VPS13B: variants seen among roughly 807,000 people sequenced by gnomAD.
VPS13B encodes the protein intermembrane lipid transfer protein VPS13B.
In VPS13B, 285 loss-of-function variants were observed where a neutral mutation model predicts 426.4. The ratio of observed to expected loss-of-function variants is 0.67; its 90% CI spans 0.61 to 0.74. The LOEUF is 0.74. Among genes scored for constraint, VPS13B ranks in the 30% least tolerant of loss-of-function variants. The pLI, the probability that VPS13B is intolerant of heterozygous loss-of-function variation, is 0.00. For synonymous variants in VPS13B, 1,676 were observed against 1,676.4 expected (o/e 1.00, Z 0.01); for missense variants, 4,537 against 4,782.6 (o/e 0.95, Z 1.51).
intron 19 of VPS13B, among the ~76,000 whole-genome samples, chr8:99,315,384 A>G (rs1406851631): frequency 1.3e-5 from 2 of 148,304 alleles, no homozygotes; most frequent in Admixed American, 1.3e-4. Flanking sequence ...ACCTATCTTC[A>G]TGTGCTGGAT....
chr8:99,086,464 A>T (rs1187422485), intron 3 of VPS13B, among the ~76,000 whole-genome samples: 1 of 152,082 alleles, frequency 6.6e-6, no homozygotes, highest in Non-Finnish European at 1.5e-5. Flanking sequence ...CAAATCGTCA[A>T]AGTCATTGTC....
At chr8:99,177,606 T>C (rs553533542) in intron 16 of VPS13B, among the ~76,000 whole-genome samples, 2 of 152,324 alleles carry the variant, frequency 1.3e-5, no homozygotes, top group African/African-American at 4.8e-5. Flanking sequence ...CCTTTGATTG[T>C]GATTTTGGAA....
intron 33 of VPS13B, among the ~76,000 whole-genome samples, chr8:99,640,076 G>GAA (rs1481473147): frequency 6.9e-6 from 1 of 145,654 alleles, no homozygotes; most frequent in African/African-American, 2.6e-5. Flanking sequence ...GAAAAGAAAA[G>GAA]AAAAGAAAAG....
chr8:99,654,880 A>G (rs1327639543), intron 34 of VPS13B, among the ~76,000 whole-genome samples: 2 of 150,854 alleles, frequency 1.3e-5, no homozygotes, highest in South Asian at 2.1e-4. Flanking sequence ...AAAACTGTCT[A>G]GGAACAACTT....
At chr8:99,453,411 T>C (rs1188122823) in intron 23 of VPS13B, among the ~76,000 whole-genome samples, 1 of 152,224 alleles carries the variant, frequency 6.6e-6, no homozygotes, top group Non-Finnish European at 1.5e-5. Flanking sequence ...ATGTTGTTTT[T>C]AAATAAATTT....
At chr8:99,416,963 C>T (rs2133371793) in intron 21 of VPS13B, among the ~76,000 whole-genome samples, 1 of 152,282 alleles carries the variant, frequency 6.6e-6, no homozygotes, top group African/African-American at 2.4e-5. Flanking sequence ...ATCTTATCTT[C>T]ATCTTGTAAG....
chr8:99,157,594 C>A (rs1811429950), intron 15 of VPS13B, among the ~76,000 whole-genome samples: 1 of 152,094 alleles, frequency 6.6e-6, no homozygotes, highest in Admixed American at 6.5e-5. Flanking sequence ...CCTTGAGACA[C>A]AACAATATTG....
intron 33 of VPS13B, among the ~76,000 whole-genome samples, chr8:99,596,285 G>C (rs183287512): frequency 1.3e-5 from 2 of 152,028 alleles, no homozygotes; most frequent in Admixed American, 1.3e-4. Flanking sequence ...TCTGATTAAA[G>C]ACAGATACAT....
chr8:99,064,394 A>G (rs189568519), intron 3 of VPS13B, among the ~76,000 whole-genome samples: 71 of 152,342 alleles, frequency 4.7e-4, no homozygotes, highest in Non-Finnish European at 5.6e-4. Flanking sequence ...TAGAATAAAC[A>G]GTATAGAGAA....
chr8:99,358,546 G>A (rs984270616), intron 19 of VPS13B, among the ~76,000 whole-genome samples: 10 of 152,098 alleles, frequency 6.6e-5, no homozygotes, highest in Non-Finnish European at 1.2e-4. Context: ...ATATTTATTC[G>A]AAAAGATTAT....
chr8:99,066,045 A>G (rs990712003), intron 3 of VPS13B, among the ~76,000 whole-genome samples: 1 of 152,264 alleles, frequency 6.6e-6, no homozygotes. Context: ...ATGGATAGGA[A>G]GAATCAATAT....
At chr8:99,401,919 A>AT (rs1815060302) in intron 21 of VPS13B, among the ~76,000 whole-genome samples, 1 of 152,154 alleles carries the variant, frequency 6.6e-6, no homozygotes, top group South Asian at 2.1e-4. Context: ...GAAAGTTAGT[A>AT]TAAGTGGATA....
chr8:99,428,912 A>G (rs1816911076), intron 21 of VPS13B, among the ~76,000 whole-genome samples: 1 of 152,186 alleles, frequency 6.6e-6, no homozygotes, highest in Non-Finnish European at 1.5e-5. Context: ...TGGATTAAGA[A>G]AATGTGGCAC....
intron 55 of VPS13B, among the ~76,000 whole-genome samples, chr8:99,850,572 C>T (rs1563507831): frequency 6.6e-6 from 1 of 152,032 alleles, no homozygotes; most frequent in Non-Finnish European, 1.5e-5. Context: ...GAAAAAATAA[C>T]TTAATATTAA....
chr8:99,249,581 G>A (rs1300061305), intron 17 of VPS13B, among the ~76,000 whole-genome samples: 10 of 151,894 alleles, frequency 6.6e-5, no homozygotes, highest in African/African-American at 2.4e-5. Flanking sequence ...CCGCCACCAC[G>A]CCCGGCTAAT....
At chr8:99,347,259 G>A (rs1413368915) in intron 19 of VPS13B, 1 of 152,100 alleles carries the variant, frequency 6.6e-6, no homozygotes, top group East Asian at 1.9e-4. Context: ...GATGTCCAAA[G>A]GCCATCCCTC....
intron 25 of VPS13B, among the ~76,000 whole-genome samples, chr8:99,498,690 TG>T (rs1282782958): frequency 6.6e-6 from 1 of 152,196 alleles, no homozygotes; most frequent in Non-Finnish European, 1.5e-5. Context: ...GACATGTTGA[TG>T]GGGAGCACTG....
At chr8:99,742,683 A>G (rs1311292264) in intron 39 of VPS13B, among the ~76,000 whole-genome samples, 1 of 152,204 alleles carries the variant, frequency 6.6e-6, no homozygotes, top group Non-Finnish European at 1.5e-5. Context: ...ACGCAAATCA[A>G]TAAATGTAAT....
chr8:99,784,631 T>A (rs1812173856), intron 43 of VPS13B, among the ~76,000 whole-genome samples, 155 bp downstream of exon 43: 1 of 152,074 alleles, frequency 6.6e-6, no homozygotes, highest in East Asian at 1.9e-4. Flanking sequence ...TGTTTAGAGA[T>A]GGGAGCACAC....
Sources: allele counts gnomAD v4.1 joint callset (sites outside exome capture counted in the v4.1 genomes callset), GRCh38; gene constraint gnomAD v4.1.1; transcripts MANE v1.5; gene names NCBI Gene and HGNC (gene_info 2026-07-23, HGNC 2026-07-21).